The following GALNT13 variants were observed in gnomAD, a reference collection of about 807,000 sequenced individuals.
GALNT13 encodes polypeptide N-acetylgalactosaminyltransferase 13, also known as UDP-GalNAc:polypeptide N-acetylgalactosaminyltransferase 13.
Under a neutral mutation model 64.2 loss-of-function variants are expected in GALNT13, and 28 were observed. The observed-to-expected ratio is 0.44, with a 90% confidence interval of 0.32 to 0.60. GALNT13 has a LOEUF of 0.60. Among genes scored for constraint, GALNT13 ranks in the 20% least tolerant of loss-of-function variants. GALNT13 has a pLI of 0.05. For missense variants in GALNT13, 577 were observed against 669.8 expected, an observed-to-expected ratio of 0.86 and a Z score of 1.53; for synonymous variants, 214 against 224.6, an observed-to-expected ratio of 0.95 and a Z score of 0.42.
intron 3 of GALNT13, among the ~76,000 whole-genome samples, chr2:154,125,998 A>C (rs1322385204): frequency 2.8e-4 from 42 of 152,120 alleles, no homozygotes; most frequent in Admixed American, 2.7e-3. Flanking sequence ...CAGTGGGTGA[A>C]TATCCATTCA....
the GALNT13 span, among the ~76,000 whole-genome samples, chr2:153,248,684 T>C: frequency 5.0e-4 from 76 of 151,474 alleles, no homozygotes; most frequent in Admixed American, 9.9e-4. Flanking sequence ...GGCGTGGTGG[T>C]GGGTGCCTGT....
chr2:153,667,763 T>C, the GALNT13 span, among the ~76,000 whole-genome samples: 4 of 152,114 alleles, frequency 2.6e-5, no homozygotes, highest in African/African-American at 9.7e-5. Flanking sequence ...CAAGGTCAAA[T>C]CGGCACATAT....
intron 7 of GALNT13, among the ~76,000 whole-genome samples, chr2:154,251,986 A>C (rs1690093558): frequency 6.6e-6 from 1 of 152,180 alleles, no homozygotes; most frequent in South Asian, 2.1e-4. Context: ...TAAATGTAAA[A>C]AAAACCTTAT....
rs145411610 is a variant in GALNT13 at position 153,940,172 on chromosome 2, G to A, written c.-104-4222G>A. On this transcript the variant is annotated intron_variant, in intron 2 of 12. Transcript: ENST00000392825. ...TATTTGTTGGCTTCTTTGTCTCTTA[G>A]TTTAACCTTTAGTGTGATGTGGTTA... Among the ~76,000 whole-genome samples, 466 of 151,232 alleles carry A rather than the reference G, an allele frequency of 3.1e-3. 2 individuals are homozygous for A. Among genetic ancestry groups the A allele is most frequent in the African/African-American group, 0.011 (445 of 41,270 alleles).
the GALNT13 span, among the ~76,000 whole-genome samples, chr2:153,138,999 T>C: frequency 3.2e-4 from 48 of 152,226 alleles, no homozygotes; most frequent in Non-Finnish European, 6.2e-4. Context: ...CCCCTTTCAC[T>C]GATGCATTTA....
the GALNT13 span, among the ~76,000 whole-genome samples, chr2:153,579,249 T>C: frequency 1.3e-5 from 2 of 152,154 alleles, no homozygotes; most frequent in African/African-American, 4.8e-5. Flanking sequence ...CCAGGAGTCT[T>C]CTGGCTTAGA....
chr2:153,569,483 G>A, the GALNT13 span, among the ~76,000 whole-genome samples: 1 of 150,560 alleles, frequency 6.6e-6, no homozygotes, highest in Non-Finnish European at 1.5e-5. Context: ...TGGCATGAAT[G>A]TCTTCTCCAA....
chr2:154,056,977 G>T lies in GALNT13; in HGVS notation c.143-83360G>T, dbSNP rs148472592. Reference sequence around the variant, plus strand: ...TACCTAAAACTAAAGAAAACATTAAGAAAAAGGCAGGAAAGGAACCTAATT... The same window carrying T: ...TACCTAAAACTAAAGAAAACATTAATAAAAAGGCAGGAAAGGAACCTAATT... On this transcript the variant is annotated intron_variant, in intron 3 of 12. Transcript: ENST00000392825. 7.2e-3 allele frequency among the ~76,000 whole-genome samples: 1,089 copies of T among 151,852 alleles called. 17 individuals carry two copies. The highest frequency in any genetic ancestry group is 0.025 in the African/African-American group (1,045 of 41,468).
chr2:154,388,804 T>C (rs927257187), intron 9 of GALNT13, among the ~76,000 whole-genome samples: 2 of 152,144 alleles, frequency 1.3e-5, no homozygotes, highest in Non-Finnish European at 2.9e-5. Context: ...TATTTGGAAT[T>C]TAGAAAATAT....
chr2:153,689,100 GTT>G, the GALNT13 span, among the ~76,000 whole-genome samples: 1 of 145,308 alleles, frequency 6.9e-6, no homozygotes. Context: ...GTGTGTGTGT[GTT>G]TAGCGTTAGT....
intron 3 of GALNT13, among the ~76,000 whole-genome samples, chr2:154,069,613 A>C (rs1700642228): frequency 6.6e-6 from 1 of 151,988 alleles, no homozygotes. Flanking sequence ...TTCAAAAGAC[A>C]TAGCTAGAAT....
chr2:154,006,333 T>G (rs1278711632), intron 3 of GALNT13, among the ~76,000 whole-genome samples: 1 of 152,182 alleles, frequency 6.6e-6, no homozygotes, highest in Non-Finnish European at 1.5e-5. Flanking sequence ...TTGTGGGGTA[T>G]TGTAAATCAA....
chr2:154,260,156 G>A (rs553419609), intron 8 of GALNT13, among the ~76,000 whole-genome samples: 7 of 151,932 alleles, frequency 4.6e-5, no homozygotes, highest in African/African-American at 1.7e-4. Context: ...AAAGAGTTGC[G>A]ATTACAGGCA....
At chr2:154,433,272 C>T (rs1163168498) in intron 11 of GALNT13, among the ~76,000 whole-genome samples, 4 of 152,090 alleles carry the variant, frequency 2.6e-5, no homozygotes, top group African/African-American at 9.7e-5. Flanking sequence ...GCCTGCCTCC[C>T]AGAGTTTTCA....
chr2:153,772,800 C>G, the GALNT13 span, among the ~76,000 whole-genome samples: 4 of 152,150 alleles, frequency 2.6e-5, no homozygotes, highest in African/African-American at 9.7e-5. Context: ...CAGAGATAGG[C>G]CTTGCCTATT....
chr2:154,001,634 A>T (rs1376700416), intron 3 of GALNT13, among the ~76,000 whole-genome samples: 1 of 151,976 alleles, frequency 6.6e-6, no homozygotes, highest in Admixed American at 6.6e-5. Flanking sequence ...TCTCTTAAAC[A>T]ATTATGGTAG....
At chr2:153,514,707 C>T in the GALNT13 span, among the ~76,000 whole-genome samples, 2 of 152,080 alleles carry the variant, frequency 1.3e-5, no homozygotes, top group African/African-American at 4.8e-5. Context: ...TTGCAATTGC[C>T]TATGGATTTT....
chr2:154,048,680 T>C (rs1425588645), intron 3 of GALNT13, among the ~76,000 whole-genome samples: 3 of 152,142 alleles, frequency 2.0e-5, no homozygotes, highest in Admixed American at 1.3e-4. Context: ...AAATATGTTT[T>C]CATGAAAACA....
chr2:153,302,270 G>A, the GALNT13 span, among the ~76,000 whole-genome samples: 3 of 152,036 alleles, frequency 2.0e-5, no homozygotes, highest in Admixed American at 6.6e-5. Flanking sequence ...TAACGGGTGT[G>A]AGCTCACTGT....
Sources: allele counts gnomAD v4.1 joint callset (sites outside exome capture counted in the v4.1 genomes callset), GRCh38; gene constraint gnomAD v4.1.1; transcripts MANE v1.5; gene names NCBI Gene and HGNC (gene_info 2026-07-23, HGNC 2026-07-21).